TENM2: variants seen among roughly 807,000 people sequenced by gnomAD.
TENM2 encodes teneurin transmembrane protein 2.
TENM2 carries 52 observed loss-of-function variants against 245.2 expected under a neutral mutation model. That is an observed-to-expected ratio of 0.21 (90% CI 0.17 to 0.27). TENM2 has a LOEUF of 0.27. Among genes scored for constraint, TENM2 ranks in the 10% least tolerant of loss-of-function variants. The pLI, the probability that TENM2 is intolerant of heterozygous loss-of-function variation, is 1.00. For missense variants in TENM2, 3,046 were observed against 3,666.8 expected (o/e 0.83, Z 4.37); for synonymous variants, 1,363 against 1,438.9 (o/e 0.95, Z 1.19).
At chr5:167,782,398 A>C (rs1764259123) in intron 2 of TENM2, among the ~76,000 whole-genome samples, 3 of 151,928 alleles carry the variant, frequency 2.0e-5, no homozygotes, top group Admixed American at 2.0e-4. Flanking sequence ...CTCATTGTTC[A>C]TCAAACTTGG....
chr5:168,189,705 G>A (rs1392172931), intron 13 of TENM2, among the ~76,000 whole-genome samples: 1 of 152,164 alleles, frequency 6.6e-6, no homozygotes, highest in African/African-American at 2.4e-5. Context: ...GAGTGGGATA[G>A]AATACTTTTC....
intron 2 of TENM2, among the ~76,000 whole-genome samples, chr5:167,410,753 A>G (rs777903662): frequency 1.3e-5 from 2 of 152,116 alleles, no homozygotes; most frequent in African/African-American, 2.4e-5. Flanking sequence ...GAGATTGACC[A>G]TGGGCATAGA....
intron 2 of TENM2, among the ~76,000 whole-genome samples, chr5:167,600,890 C>T (rs533024203): frequency 4.6e-5 from 7 of 152,320 alleles, no homozygotes; most frequent in East Asian, 1.9e-4. Context: ...TATAACTAAA[C>T]GGCATTTTGT....
At chr5:168,199,723 C>A in intron 16 of TENM2, 141 bp from the exon 19 acceptor site, 1 of 803,824 alleles carries the variant, frequency 1.2e-6, no homozygotes, top group Non-Finnish European at 2.0e-6. Context: ...GTTTTTCTTT[C>A]TCAGTGGTGG....
At chr5:167,453,577 T>A (rs1044762011) in intron 2 of TENM2, among the ~76,000 whole-genome samples, 4 of 152,204 alleles carry the variant, frequency 2.6e-5, no homozygotes, top group African/African-American at 9.6e-5. Flanking sequence ...AGTTTCTTCA[T>A]TTTTAAGAAA....
intron 2 of TENM2, among the ~76,000 whole-genome samples, chr5:167,442,915 G>A (rs988787703): frequency 2.0e-5 from 3 of 152,126 alleles, no homozygotes; most frequent in Non-Finnish European, 4.4e-5. Flanking sequence ...GAAAACACAG[G>A]AACCCTGCTC....
chr5:168,136,973 C>T (rs533099446), intron 12 of TENM2, among the ~76,000 whole-genome samples: 1 of 152,326 alleles, frequency 6.6e-6, no homozygotes, highest in East Asian at 1.9e-4. Flanking sequence ...GAGGGGACTG[C>T]TTACATATCC....
At chr5:167,237,362 T>G in the TENM2 span, among the ~76,000 whole-genome samples, 1 of 152,234 alleles carries the variant, frequency 6.6e-6, no homozygotes, top group African/African-American at 2.4e-5. Context: ...TTTTCACTTG[T>G]TGACACCTGT....
intron 2 of TENM2, among the ~76,000 whole-genome samples, chr5:167,620,549 CTTTTTTT>C (rs11455974): frequency 2.7e-5 from 2 of 73,314 alleles, no homozygotes; most frequent in African/African-American, 5.3e-5. Flanking sequence ...TGCTTTTTGG[CTTTTTTT>C]TTTTTTTTTT....
At chr5:167,417,097 A>G (rs1011868465) in intron 2 of TENM2, among the ~76,000 whole-genome samples, 2 of 152,318 alleles carry the variant, frequency 1.3e-5, no homozygotes, top group South Asian at 2.1e-4. Context: ...TTAATCACCC[A>G]GAATTACACA....
At chr5:167,642,431 C>A (rs1204361358) in intron 2 of TENM2, among the ~76,000 whole-genome samples, 1 of 152,126 alleles carries the variant, frequency 6.6e-6, no homozygotes, top group Non-Finnish European at 1.5e-5. Flanking sequence ...GACAGAAAGT[C>A]TTAAGTAGCT....
chr5:167,005,890 G>C, the TENM2 span, among the ~76,000 whole-genome samples: 1 of 151,922 alleles, frequency 6.6e-6, no homozygotes, highest in Non-Finnish European at 1.5e-5. Context: ...TCAAACTCCT[G>C]ACCTCATGAT....
chr5:167,357,599 T>A (rs1291375756), intron 1 of TENM2, among the ~76,000 whole-genome samples: 1 of 152,172 alleles, frequency 6.6e-6, no homozygotes, highest in Non-Finnish European at 1.5e-5. Flanking sequence ...ACATTGCATT[T>A]CAGATTGTCT....
intron 2 of TENM2, among the ~76,000 whole-genome samples, chr5:167,612,544 A>G (rs1268394510): frequency 2.6e-5 from 4 of 152,130 alleles, no homozygotes; most frequent in Non-Finnish European, 5.9e-5. Context: ...TATATTTGAA[A>G]CACTGCTGCA....
At chr5:167,078,081 T>A in the TENM2 span, among the ~76,000 whole-genome samples, 1 of 151,708 alleles carries the variant, frequency 6.6e-6, no homozygotes, top group Non-Finnish European at 1.5e-5. Context: ...TATAATTATA[T>A]ATAATATAAA....
chr5:167,556,594 A>G (rs1054400140), intron 2 of TENM2, among the ~76,000 whole-genome samples: 2 of 152,100 alleles, frequency 1.3e-5, no homozygotes, highest in Non-Finnish European at 2.9e-5. Flanking sequence ...ATGTCACCAA[A>G]TATTTCCTTT....
intron 2 of TENM2, among the ~76,000 whole-genome samples, chr5:167,870,569 A>ATATATATGTG (rs372917707): frequency 0.058 from 8,250 of 142,370 alleles, 328 homozygotes; most frequent in Middle Eastern, 0.088. Context: ...ATATATATAT[A>ATATATATGTG]TGTGTGTGTA....
At chr5:167,408,641 T>C (rs1443414662) in intron 2 of TENM2, among the ~76,000 whole-genome samples, 2 of 152,032 alleles carry the variant, frequency 1.3e-5, no homozygotes, top group Non-Finnish European at 2.9e-5. Context: ...GATGCCATAA[T>C]GTACTTGAAA....
the TENM2 span, among the ~76,000 whole-genome samples, chr5:167,150,906 T>C: frequency 6.6e-6 from 1 of 152,180 alleles, no homozygotes; most frequent in Non-Finnish European, 1.5e-5. Context: ...AGCTTGGCCA[T>C]TTAAGTACAT....
Sources: allele counts gnomAD v4.1 joint callset (sites outside exome capture counted in the v4.1 genomes callset), GRCh38; gene constraint gnomAD v4.1.1; transcripts MANE v1.5; gene names NCBI Gene and HGNC (gene_info 2026-07-23, HGNC 2026-07-21).